Variants in ASXL2 observed in about 807,000 individuals in gnomAD.
ASXL2 encodes the protein ASXL transcriptional regulator 2, also known as putative Polycomb group protein ASXL2.
A neutral mutation model predicts 122.0 loss-of-function variants in ASXL2; 23 were observed. That is an observed-to-expected ratio of 0.19 (90% CI 0.14 to 0.27). ASXL2 has a LOEUF of 0.27. Ranked by LOEUF, ASXL2 falls within the 10% of genes least tolerant of loss-of-function variation. The pLI is 1.00. For missense variants in ASXL2, 1,518 were observed against 1,713.8 expected (o/e 0.89, Z 2.02); for synonymous variants, 650 against 637.0 (o/e 1.02, Z -0.31).
At chr2:25,843,071 C>A (rs564483137) in intron 2 of ASXL2, among the ~76,000 whole-genome samples, 1 of 151,132 alleles carries the variant, frequency 6.6e-6, no homozygotes, top group Non-Finnish European at 1.5e-5. Context: ...GAGGCCAAGG[C>A]GGGCGGATCA....
chr2:25,790,363 T>C (rs1288613588), intron 5 of ASXL2, among the ~76,000 whole-genome samples: 1 of 148,952 alleles, frequency 6.7e-6, no homozygotes, highest in Non-Finnish European at 1.5e-5. Context: ...CAAGGTTTCC[T>C]AGGACTACAT....
chr2:25,866,688 A>G (rs1187046573), intron 1 of ASXL2, among the ~76,000 whole-genome samples: 1 of 152,198 alleles, frequency 6.6e-6, no homozygotes, highest in Non-Finnish European at 1.5e-5. Context: ...TTCACCTGGC[A>G]AAAGTATCCT....
chr2:25,842,722 AG>A (rs1461413756), intron 2 of ASXL2, among the ~76,000 whole-genome samples: 2 of 151,254 alleles, frequency 1.3e-5, no homozygotes, highest in Non-Finnish European at 2.9e-5. Context: ...ATAGATAGAT[AG>A]ATGTATATAT....
chr2:25,744,283 G>A lies in ASXL2; in HGVS notation c.2054C>T (p.Ser685Leu). The A allele has an allele frequency of 6.2e-7, 1 of 1,612,764 alleles. No individual in the cohort carries two copies. Among genetic ancestry groups the A allele is most frequent in the Non-Finnish European group, 8.5e-7 (1 of 1,179,550 alleles). ...AGGTCCTGGAATGGTCCCTCCAACT[G>A]AGGCGGCTGCAGCAGCTGCGGCGGC... ...AAAAAAAAAA[S>L]VGGTIPGPGP... The change falls in exon 13 of 13, where the codon TCA becomes TTA. Residue 685 changes from serine to leucine, a missense_variant. Coordinates refer to ENST00000435504, the MANE Select transcript of ASXL2 (RefSeq NM_018263.6). The surrounding 1 kb of genome is among the most constrained non-coding windows in gnomAD (Gnocchi z 4.7).
rs1266405186 is a variant in ASXL2, at chr2:25,735,358, C to T, written c.*6671G>A. On this transcript the variant is annotated 3_prime_UTR_variant, in exon 13 of 13. Transcript: ENST00000435504. ...AGACTACGTTACATAGTGGAATACA[C>T]CAAATTCTTCTTTAAAAAGCGCTAG... 3.3e-5 allele frequency: 5 copies of T among 152,166 alleles called. No individual in the cohort carries two copies. Among genetic ancestry groups the T allele is most frequent in the Non-Finnish European group, 7.3e-5 (5 of 68,032 alleles). The allele number at this position is 152,166 out of a possible 1,614,324, so 9.4% of individuals were successfully genotyped here.
chr2:25,859,941 T>C (rs1341585980), intron 1 of ASXL2, among the ~76,000 whole-genome samples: 1 of 152,000 alleles, frequency 6.6e-6, no homozygotes, highest in Admixed American at 6.5e-5. Flanking sequence ...CCCAGCACTA[T>C]GGAAGGCCAA....
At position 25,806,182 on chromosome 2, in the gene ASXL2, C is replaced by A. The variant is rs1338805665; in HGVS notation, c.252+47G>T. 3 of 1,195,640 alleles carry A rather than the reference C, an allele frequency of 2.5e-6. No individual in the cohort carries two copies. In the South Asian group the frequency reaches 3.9e-5, roughly 16 times the overall value. 74.1% of individuals were successfully genotyped at this position (1,195,640 alleles called of 1,614,324 possible). On this transcript the variant is annotated intron_variant, in intron 4 of 12. Transcript: ENST00000435504. ...TACGAGTCAAATATTTATATGTGGTCACTTCCTGTTTTTTCTTTCTAAATG... is the reference window on the plus strand; with the variant it reads ...TACGAGTCAAATATTTATATGTGGTAACTTCCTGTTTTTTCTTTCTAAATG...
chr2:25,827,771 T>C (rs528125887), intron 3 of ASXL2, among the ~76,000 whole-genome samples: 15 of 152,234 alleles, frequency 9.9e-5, no homozygotes, highest in South Asian at 6.2e-4. Context: ...TAAGTAGATC[T>C]AGTTGTGGCC....
chr2:25,753,691 T>A, intron 10 of ASXL2, 52 bp from the exon 11 acceptor site: 2 of 1,320,642 alleles, frequency 1.5e-6, no homozygotes, highest in Non-Finnish European at 2.2e-6. Flanking sequence ...ATTTGCAACA[T>A]GTAACTATTT....
intron 3 of ASXL2, among the ~76,000 whole-genome samples, chr2:25,819,889 T>C (rs1181251453): frequency 1.3e-5 from 2 of 152,186 alleles, no homozygotes; most frequent in Non-Finnish European, 2.9e-5. Flanking sequence ...TTCTGAAGTT[T>C]GCTTGCTTGA....
rs2087812852 is a variant in ASXL2, at chr2:25,740,667, C to T, written c.*1362G>A. On this transcript the variant is annotated 3_prime_UTR_variant, in exon 13 of 13. Transcript: ENST00000435504. ...AGAAAGAAAAAGAAACAAAAACAAG[C>T]AACCAAAAAACCTTTAGGGCTCATT... 1.8e-5 allele frequency: 4 copies of T among 225,444 alleles called. No individual in the cohort carries two copies. Among genetic ancestry groups the T allele is most frequent in the African/African-American group, 8.9e-5 (4 of 44,922 alleles). The allele number at this position is 225,444 out of a possible 1,614,324, so 14.0% of individuals were successfully genotyped here.
intron 12 of ASXL2, among the ~76,000 whole-genome samples, chr2:25,749,103 G>A (rs1437909370): frequency 6.6e-6 from 1 of 152,210 alleles, no homozygotes; most frequent in East Asian, 1.9e-4. Context: ...ACAAAGATAG[G>A]ATCCTTTGAT....
intron 1 of ASXL2, among the ~76,000 whole-genome samples, chr2:25,860,181 C>A (rs1439158337): frequency 1.3e-5 from 2 of 152,054 alleles, no homozygotes; most frequent in Non-Finnish European, 2.9e-5. Context: ...CATGGTGGCG[C>A]ATGCCTGTAA....
At chr2:25,785,010 C>T (rs970441677) in intron 5 of ASXL2, among the ~76,000 whole-genome samples, 1 of 152,106 alleles carries the variant, frequency 6.6e-6, no homozygotes, top group Non-Finnish European at 1.5e-5. Flanking sequence ...TATAGTGCTG[C>T]CCAGGCTAAT....
chr2:25,801,992 C>T (rs938228384), intron 4 of ASXL2, among the ~76,000 whole-genome samples: 2 of 152,174 alleles, frequency 1.3e-5, no homozygotes, highest in African/African-American at 2.4e-5. Context: ...CTCTACCTAA[C>T]GTTTACCACA....
At chr2:25,823,089 G>T in intron 3 of ASXL2, 1 of 406,280 alleles carries the variant, frequency 2.5e-6, no homozygotes, top group South Asian at 2.0e-5. Flanking sequence ...CAGCCTGCTT[G>T]TTTTTTTAAA....
chr2:25,736,913 T>C lies in ASXL2; in HGVS notation c.*5116A>G, dbSNP rs994541889. 7 of 152,222 alleles carry C rather than the reference T, an allele frequency of 4.6e-5. No individual in the cohort carries two copies. The highest frequency in any genetic ancestry group is 1.0e-4 in the Non-Finnish European group (7 of 68,034). The allele number at this position is 152,222 out of a possible 1,614,324, so 9.4% of individuals were successfully genotyped here. A position where few individuals can be genotyped will look rare whatever the true frequency, so the allele number is the denominator to read the frequency against. On this transcript the variant is annotated 3_prime_UTR_variant, in exon 13 of 13. Transcript: ENST00000435504. ...GACGATGTAGGCACCATTTTGCTCC[T>C]ATCATATCCTAAAATCAAGTATTTA...
intron 10 of ASXL2, 93 bp downstream of exon 10, chr2:25,755,925 T>C: frequency 9.3e-7 from 1 of 1,072,582 alleles, no homozygotes; most frequent in Non-Finnish European, 1.4e-6. Context: ...CATCCTGTCC[T>C]TTACCTTCCA....
At chr2:25,831,138 A>G (rs2089446282) in intron 3 of ASXL2, among the ~76,000 whole-genome samples, 1 of 151,968 alleles carries the variant, frequency 6.6e-6, no homozygotes, top group Admixed American at 6.6e-5. Flanking sequence ...TGGCCAATGC[A>G]GTGAAACCCT....
Sources: allele counts gnomAD v4.1 joint callset (sites outside exome capture counted in the v4.1 genomes callset), GRCh38; gene constraint gnomAD v4.1.1; non-coding constraint Gnocchi (gnomAD v3.1); transcripts MANE v1.5; gene names NCBI Gene and HGNC (gene_info 2026-07-23, HGNC 2026-07-21).